Variants in CDKAL1 observed in about 807,000 individuals in gnomAD.
CDKAL1 encodes the protein CDKAL1 threonylcarbamoyladenosine tRNA methylthiotransferase.
CDKAL1 carries 32 observed loss-of-function variants against 68.2 expected under a neutral mutation model. The ratio of observed to expected loss-of-function variants is 0.47; its 90% CI spans 0.35 to 0.63. The LOEUF (loss-of-function observed/expected upper bound fraction) is 0.63, where lower values mean the gene tolerates loss of function less well. Ranked by LOEUF, CDKAL1 falls within the 30% of genes least tolerant of loss-of-function variation. The probability of loss-of-function intolerance (pLI) is 0.00; values close to 1 mark genes in which losing one functional copy is unlikely to be tolerated. For missense variants in CDKAL1, 606 were observed against 696.7 expected (o/e 0.87, Z 1.47); for synonymous variants, 234 against 244.3 (o/e 0.96, Z 0.39).
At chr6:21,212,870 C>T (rs1184843544) in intron 15 of CDKAL1, among the ~76,000 whole-genome samples, 3 of 152,086 alleles carry the variant, frequency 2.0e-5, no homozygotes, top group African/African-American at 7.2e-5. Flanking sequence ...ATTTTCAATC[C>T]ATATATCAAA....
intron 13 of CDKAL1, among the ~76,000 whole-genome samples, chr6:21,154,397 T>A (rs1256529266): frequency 6.6e-6 from 1 of 152,224 alleles, no homozygotes; most frequent in Non-Finnish European, 1.5e-5. Context: ...CCTAAACAAA[T>A]TAACTAATGA....
At chr6:21,219,985 A>C (rs1039905977) in intron 15 of CDKAL1, among the ~76,000 whole-genome samples, 1 of 152,230 alleles carries the variant, frequency 6.6e-6, no homozygotes, top group Non-Finnish European at 1.5e-5. Flanking sequence ...AGATTTCTTC[A>C]TCAGTAAAGC....
intron 10 of CDKAL1, among the ~76,000 whole-genome samples, chr6:20,982,221 GCTTAT>G (rs1340522762): frequency 1.3e-5 from 2 of 151,840 alleles, no homozygotes; most frequent in Non-Finnish European, 2.9e-5. Flanking sequence ...ACCACTCCTG[GCTTAT>G]CTTAGTATTA....
At chr6:20,764,204 A>C (rs1185380374) in intron 7 of CDKAL1, among the ~76,000 whole-genome samples, 1 of 152,240 alleles carries the variant, frequency 6.6e-6, no homozygotes, top group Non-Finnish European at 1.5e-5. Flanking sequence ...CTAATTGGAT[A>C]TCTTATGACA....
Position 20,855,429 on chromosome 6 carries a change from C to T in CDKAL1, c.742+9251C>T, listed in dbSNP as rs1399322758. Among the ~76,000 whole-genome samples, 8 of 109,884 alleles carry T rather than the reference C, an allele frequency of 7.3e-5. No homozygotes were observed. The East Asian group carries it at 2.0e-3, about 28-fold the overall frequency. 72.1% of individuals were successfully genotyped at this position (109,884 alleles called of 152,430 possible). On this transcript the variant is annotated intron_variant, in intron 9 of 15. Transcript: ENST00000274695. The stretch of plus-strand genomic sequence containing the variant: ...TGGCACTCCAGCCTGGGAGACAGAG[C>T]GAGACTCCGTCTCAAAAAAAAAAAA...
At chr6:20,912,632 A>G (rs1762516487) in intron 9 of CDKAL1, among the ~76,000 whole-genome samples, 1 of 151,962 alleles carries the variant, frequency 6.6e-6, no homozygotes, top group Non-Finnish European at 1.5e-5. Context: ...CTGAGGATCA[A>G]CCTTACTAGA....
intron 12 of CDKAL1, among the ~76,000 whole-genome samples, chr6:21,075,640 A>T (rs1413280385): frequency 6.6e-6 from 1 of 152,174 alleles, no homozygotes; most frequent in Non-Finnish European, 1.5e-5. Context: ...AATGAGAGCG[A>T]CTAGATTTTT....
chr6:21,038,989 C>T (rs1320156681), intron 11 of CDKAL1, among the ~76,000 whole-genome samples: 1 of 152,188 alleles, frequency 6.6e-6, no homozygotes, highest in Non-Finnish European at 1.5e-5. Context: ...CATTCAGCTT[C>T]TTCATTGAGA....
At chr6:21,121,460 C>T (rs542850468) in intron 13 of CDKAL1, among the ~76,000 whole-genome samples, 50 of 152,194 alleles carry the variant, frequency 3.3e-4, no homozygotes, top group African/African-American at 1.2e-3. Context: ...GGAAAAAATG[C>T]CCATTACAAT....
At chr6:21,194,919 A>G (rs955264884) in intron 13 of CDKAL1, among the ~76,000 whole-genome samples, 1 of 152,160 alleles carries the variant, frequency 6.6e-6, no homozygotes, top group African/African-American at 2.4e-5. Flanking sequence ...ATTAAAAAAT[A>G]TTGAGGGAAG....
At chr6:20,573,710 T>C (rs760962031) in intron 4 of CDKAL1, among the ~76,000 whole-genome samples, 42 of 152,208 alleles carry the variant, frequency 2.8e-4, no homozygotes, top group Non-Finnish European at 1.0e-4. Context: ...TTTTGGATGT[T>C]CTTAACATCA....
chr6:20,572,077 A>T (rs1185679215), intron 4 of CDKAL1, among the ~76,000 whole-genome samples: 1 of 152,214 alleles, frequency 6.6e-6, no homozygotes, highest in South Asian at 2.1e-4. Flanking sequence ...CTAAAATGAT[A>T]TTCTAATCTA....
At chr6:21,013,297 TTTTC>T (rs1054543047) in intron 11 of CDKAL1, among the ~76,000 whole-genome samples, 35 of 152,284 alleles carry the variant, frequency 2.3e-4, no homozygotes, top group Middle Eastern at 3.4e-3. Context: ...TCTCTCTCTC[TTTTC>T]TTTCTTTCTT....
intron 11 of CDKAL1, among the ~76,000 whole-genome samples, chr6:21,001,706 G>A (rs1767436684): frequency 6.6e-6 from 1 of 152,128 alleles, no homozygotes; most frequent in African/African-American, 2.4e-5. Flanking sequence ...TTGGCCTATA[G>A]CCCTTTCTTG....
At chr6:21,022,975 C>A (rs971323603) in intron 11 of CDKAL1, among the ~76,000 whole-genome samples, 1 of 152,130 alleles carries the variant, frequency 6.6e-6, no homozygotes, top group African/African-American at 2.4e-5. Context: ...CATTAATCAT[C>A]CTTGTTACCT....
At chr6:20,818,530 A>G (rs1467662570) in intron 8 of CDKAL1, among the ~76,000 whole-genome samples, 2 of 152,060 alleles carry the variant, frequency 1.3e-5, no homozygotes, top group Non-Finnish European at 2.9e-5. Context: ...GTTCTATATT[A>G]TGACCTAAAA....
chr6:21,167,560 C>G (rs1777203222), intron 13 of CDKAL1, among the ~76,000 whole-genome samples: 1 of 152,182 alleles, frequency 6.6e-6, no homozygotes, highest in Non-Finnish European at 1.5e-5. Context: ...TACACACTCT[C>G]GTTCACATCA....
intron 7 of CDKAL1, among the ~76,000 whole-genome samples, chr6:20,780,452 T>G (rs781560909): frequency 7.2e-5 from 11 of 152,196 alleles, no homozygotes; most frequent in Non-Finnish European, 1.3e-4. Context: ...GTTTTGCTTT[T>G]TTTTAATTAC....
At chr6:20,845,476 C>CT (rs986862899) in intron 8 of CDKAL1, among the ~76,000 whole-genome samples, 33 of 151,868 alleles carry the variant, frequency 2.2e-4, no homozygotes, top group African/African-American at 7.7e-4. Context: ...TGCCATTCTA[C>CT]TTTTTTTACT....
Sources: allele counts gnomAD v4.1 joint callset (sites outside exome capture counted in the v4.1 genomes callset), GRCh38; gene constraint gnomAD v4.1.1; transcripts MANE v1.5; gene names NCBI Gene and HGNC (gene_info 2026-07-23, HGNC 2026-07-21).